ACBD6: variants seen among roughly 807,000 people sequenced by gnomAD.
The protein encoded by ACBD6 is acyl-CoA-binding domain-containing protein 6.
Under a neutral mutation model 37.2 loss-of-function variants are expected in ACBD6, and 28 were observed. The observed-to-expected ratio is 0.75, with a 90% CI of 0.56 to 1.03. The LOEUF is 1.03. ACBD6 is among the 50% of genes least tolerant of loss of function. The pLI, the probability that ACBD6 is intolerant of heterozygous loss-of-function variation, is 0.00. For missense variants in ACBD6, 340 were observed against 337.4 expected, an observed-to-expected ratio of 1.01 and a Z score of -0.06; for synonymous variants, 113 against 126.8, an observed-to-expected ratio of 0.89 and a Z score of 0.73.
intron 7 of ACBD6, among the ~76,000 whole-genome samples, chr1:180,304,651 C>CT (rs1650278906): frequency 6.6e-6 from 1 of 150,748 alleles, no homozygotes; most frequent in African/African-American, 2.4e-5. Context: ...TAGGAAGAAT[C>CT]AATATCATGA....
At chr1:180,296,101 CA>C (rs1649907036) in intron 7 of ACBD6, among the ~76,000 whole-genome samples, 1 of 152,102 alleles carries the variant, frequency 6.6e-6, no homozygotes, top group Non-Finnish European at 1.5e-5. Flanking sequence ...GACAGGAAAG[CA>C]AAACAGCCTT....
intron 3 of ACBD6, among the ~76,000 whole-genome samples, chr1:180,440,071 G>A (rs969454180): frequency 1.3e-5 from 2 of 152,004 alleles, no homozygotes; most frequent in Non-Finnish European, 2.9e-5. Context: ...AGTTGGCAAT[G>A]AATTACCTGC....
intron 6 of ACBD6, among the ~76,000 whole-genome samples, chr1:180,376,888 C>T (rs1653457978): frequency 6.6e-6 from 1 of 152,096 alleles, no homozygotes; most frequent in South Asian, 2.1e-4. Flanking sequence ...AATCTAAAAT[C>T]GCATACAAAC....
intron 3 of ACBD6, among the ~76,000 whole-genome samples, chr1:180,447,651 T>C (rs1392264842): frequency 1.3e-5 from 2 of 152,170 alleles, no homozygotes; most frequent in African/African-American, 4.8e-5. Flanking sequence ...AATATAACAC[T>C]GATCAAAATT....
At chr1:180,434,733 T>C (rs1037898166) in intron 3 of ACBD6, 4 of 539,166 alleles carry the variant, frequency 7.4e-6, no homozygotes, top group African/African-American at 3.8e-5. Flanking sequence ...AAACTAGGAA[T>C]AGAGTAAAAC....
intron 3 of ACBD6, among the ~76,000 whole-genome samples, chr1:180,456,575 C>G (rs550873782): frequency 1.3e-5 from 2 of 152,286 alleles, no homozygotes; most frequent in East Asian, 3.9e-4. Flanking sequence ...GTTATAGGCA[C>G]ACAGAACATT....
intron 3 of ACBD6, among the ~76,000 whole-genome samples, chr1:180,459,480 G>A (rs1557879663): frequency 6.6e-6 from 1 of 152,140 alleles, no homozygotes; most frequent in Non-Finnish European, 1.5e-5. Context: ...GATGAAGATA[G>A]GCAAATGATA....
At chr1:180,423,589 T>G (rs886573921) in intron 4 of ACBD6, among the ~76,000 whole-genome samples, 1 of 152,098 alleles carries the variant, frequency 6.6e-6, no homozygotes, top group Non-Finnish European at 1.5e-5. Context: ...CTCACAATCT[T>G]TCAATAAAGT....
At chr1:180,438,272 C>T (rs973228496) in intron 3 of ACBD6, 1 of 152,810 alleles carries the variant, frequency 6.5e-6, no homozygotes, top group Non-Finnish European at 1.5e-5. Flanking sequence ...AAACCAGTCC[C>T]TGGTGCCAAA....
intron 7 of ACBD6, among the ~76,000 whole-genome samples, chr1:180,311,110 A>G (rs1056925511): frequency 1.3e-5 from 2 of 152,230 alleles, no homozygotes; most frequent in Admixed American, 6.5e-5. Flanking sequence ...AATAATAAAC[A>G]TAATACCTCC....
At chr1:180,331,436 TA>T (rs1331163640) in intron 6 of ACBD6, among the ~76,000 whole-genome samples, 1 of 152,232 alleles carries the variant, frequency 6.6e-6, no homozygotes, top group African/African-American at 2.4e-5. Flanking sequence ...CAAACTTATA[TA>T]ATCAGAATTT....
In ACBD6 at chr1:180,430,604, T is replaced by C. The variant is rs1648773506; in HGVS notation, c.385-342A>G. 1.3e-5 allele frequency among the ~76,000 whole-genome samples: 2 copies of C among 151,286 alleles called. 1 individual carries two copies. Among genetic ancestry groups the C allele is most frequent in the Non-Finnish European group, 2.9e-5 (2 of 67,920 alleles). On this transcript the variant is annotated intron_variant, in intron 3 of 7. Coordinates refer to ENST00000367595, the MANE Select transcript of ACBD6 (RefSeq NM_032360.4). ...AAGAAAAATAAATCCCAGACATGAA[T>C]GTGATCAGCAAAATCGTATCTAGAT...
At chr1:180,405,075 AAAT>A (rs1277207465) in intron 5 of ACBD6, among the ~76,000 whole-genome samples, 5 of 152,200 alleles carry the variant, frequency 3.3e-5, no homozygotes, top group Non-Finnish European at 5.9e-5. Flanking sequence ...TATATAACCA[AAAT>A]AATATATACC....
chr1:180,490,894 G>A (rs984967955), intron 3 of ACBD6, among the ~76,000 whole-genome samples: 1 of 150,250 alleles, frequency 6.7e-6, no homozygotes, highest in Non-Finnish European at 1.5e-5. Context: ...GGAGGTGGAG[G>A]TTACGTTGAG....
At chr1:180,339,008 A>G (rs941550804) in intron 6 of ACBD6, among the ~76,000 whole-genome samples, 23 of 152,302 alleles carry the variant, frequency 1.5e-4, no homozygotes, top group African/African-American at 4.6e-4. Context: ...TTAGAATGGC[A>G]ATCATTAAAA....
intron 8 of ACBD6, among the ~76,000 whole-genome samples, chr1:180,281,904 CG>C (rs1558232429): frequency 6.6e-6 from 1 of 152,170 alleles, no homozygotes; most frequent in African/African-American, 2.4e-5. Context: ...AGCTCCTGCC[CG>C]GGGAAGAGTA....
At position 180,502,321 on chromosome 1, in the gene ACBD6, G is replaced by A; in HGVS notation, c.-55C>T. ...CCGGTCTGTCCTCCTTGGATTGGGTGTAAGGCCGGCTTGGAGGCCTGGCCC... is the reference window on the plus strand; with the variant it reads ...CCGGTCTGTCCTCCTTGGATTGGGTATAAGGCCGGCTTGGAGGCCTGGCCC... On this transcript the variant is annotated 5_prime_UTR_variant, in exon 1 of 8. Transcript: ENST00000367595. The A allele has an allele frequency of 6.3e-7, 1 of 1,591,742 alleles. No homozygotes were observed. The highest frequency in any genetic ancestry group is 8.6e-7 in the Non-Finnish European group (1 of 1,166,526).
At chr1:180,477,360 A>G (rs1296987755) in intron 3 of ACBD6, among the ~76,000 whole-genome samples, 1 of 152,204 alleles carries the variant, frequency 6.6e-6, no homozygotes, top group Admixed American at 6.5e-5. Context: ...ATATAAGAGC[A>G]TACACACAAG....
intron 11 of ACBD6, chr1:180,273,707 T>A (rs1363896656): frequency 5.8e-6 from 1 of 173,766 alleles, no homozygotes; most frequent in African/African-American, 2.4e-5. Context: ...AAGGATTTTG[T>A]ACAGATGTCT....
Sources: gnomAD v4.1 joint callset for allele counts (sites outside exome capture counted in the v4.1 genomes callset) on GRCh38, gnomAD v4.1.1 for gene constraint, MANE v1.5 for transcripts, NCBI Gene and HGNC (gene_info 2026-07-23, HGNC 2026-07-21) for gene names.